Variants in HMCN1 observed in about 807,000 individuals in gnomAD.
HMCN1 encodes hemicentin-1.
Under a neutral mutation model 625.9 loss-of-function variants are expected in HMCN1, and 321 were observed. That is an observed-to-expected ratio of 0.51 (90% CI 0.47 to 0.56). The LOEUF is 0.56. Ranked by LOEUF, HMCN1 falls within the 20% of genes least tolerant of loss-of-function variation. The probability of loss-of-function intolerance (pLI) is 0.00; values close to 1 mark genes in which losing one functional copy is unlikely to be tolerated. For synonymous variants in HMCN1, 2,425 were observed against 2,417.6 expected, an observed-to-expected ratio of 1.00 and a Z score of -0.09; for missense variants, 6,588 against 6,887.3, an observed-to-expected ratio of 0.96 and a Z score of 1.54.
chr1:186,164,603 A>G (rs1157461215), intron 97 of HMCN1, among the ~76,000 whole-genome samples: 1 of 152,216 alleles, frequency 6.6e-6, no homozygotes, highest in Non-Finnish European at 1.5e-5. Flanking sequence ...GATGAAAAGG[A>G]AAACACTTGG....
intron 88 of HMCN1, 30 bp from the exon 89 acceptor site, chr1:186,137,772 C>T (rs752766842): frequency 1.2e-6 from 2 of 1,613,996 alleles, no homozygotes; most frequent in African/African-American, 1.3e-5. Context: ...TGAAATATAC[C>T]TGATGGTGTA....
chr1:185,875,977 TGTAATGGTGAG>T (rs1663900471), intron 4 of HMCN1, among the ~76,000 whole-genome samples: 1 of 152,122 alleles, frequency 6.6e-6, no homozygotes, highest in African/African-American at 2.4e-5. Context: ...GGATATGTTG[TGTAATGGTGAG>T]GTTTGGGTTT....
chr1:186,044,241 G>A (rs1302137910), intron 40 of HMCN1, among the ~76,000 whole-genome samples: 5 of 151,982 alleles, frequency 3.3e-5, no homozygotes, highest in East Asian at 1.9e-4. Flanking sequence ...TAACCTTATC[G>A]AGAGCCAGCT....
Position 186,099,815 on chromosome 1 carries a change from G to C in HMCN1, c.10574-3657G>C, listed in dbSNP as rs575664058. Among the ~76,000 whole-genome samples the C allele has an allele frequency of 1.1e-4, 17 of 152,258 alleles. No homozygotes were observed. In the South Asian group the frequency reaches 3.5e-3, roughly 32 times the overall value. On this transcript the variant is annotated intron_variant, in intron 68 of 106. Transcript: ENST00000271588. Reference sequence around the variant, plus strand: ...TCCCTGAAACTGAGTGTAAGAGGAAGAGTAGCAAGAGACAAGACAAGAACT... The same window carrying C: ...TCCCTGAAACTGAGTGTAAGAGGAACAGTAGCAAGAGACAAGACAAGAACT...
At chr1:185,944,085 A>G (rs1200069548) in intron 11 of HMCN1, among the ~76,000 whole-genome samples, 1 of 152,170 alleles carries the variant, frequency 6.6e-6, no homozygotes, top group Non-Finnish European at 1.5e-5. Flanking sequence ...AGTTATTTCC[A>G]TTATTCTGCA....
rs1571765042 is a variant in HMCN1 at position 186,041,858 on chromosome 1, G to A, written c.6304+722G>A. On this transcript the variant is annotated intron_variant, in intron 40 of 106. Transcript: ENST00000271588. ...TTTTATGACCTCTTGAAGAGTTTCT[G>A]TTTAATGCAGAATGCAAGCCTTCTC... Among the ~76,000 whole-genome samples, 8 of 152,168 alleles carry A rather than the reference G, an allele frequency of 5.3e-5. No homozygotes were observed. In the South Asian group the frequency reaches 1.7e-3, roughly 32 times the overall value.
At chr1:185,816,845 G>C (rs1019418455) in intron 1 of HMCN1, among the ~76,000 whole-genome samples, 12 of 152,224 alleles carry the variant, frequency 7.9e-5, no homozygotes, top group Non-Finnish European at 1.2e-4. Context: ...TATGATTACT[G>C]CATGGTTTGA....
chr1:186,138,015 A>G (rs1472109622), intron 89 of HMCN1, 43 bp downstream of exon 89: 8 of 1,602,114 alleles, frequency 5.0e-6, no homozygotes, highest in Non-Finnish European at 6.8e-6. Context: ...AAACTTTTCT[A>G]TCTTAACCCC....
chr1:185,883,677 A>G (rs1174066010), intron 4 of HMCN1, among the ~76,000 whole-genome samples: 2 of 151,948 alleles, frequency 1.3e-5, no homozygotes, highest in Admixed American at 1.3e-4. Context: ...TCTAGTGCTT[A>G]TTTATTTTGG....
At chr1:185,807,837 A>T (rs890667491) in intron 1 of HMCN1, among the ~76,000 whole-genome samples, 12 of 152,186 alleles carry the variant, frequency 7.9e-5, no homozygotes, top group African/African-American at 2.7e-4. Context: ...GTGTAACTTT[A>T]CTAATTTTCT....
At chr1:185,860,104 C>T (rs1015335229) in intron 2 of HMCN1, among the ~76,000 whole-genome samples, 1 of 152,064 alleles carries the variant, frequency 6.6e-6, no homozygotes, top group African/African-American at 2.4e-5. Flanking sequence ...GCTTATTTTT[C>T]TTTTCAGGAC....
intron 1 of HMCN1, among the ~76,000 whole-genome samples, chr1:185,747,904 A>G (rs1654526471): frequency 6.6e-6 from 1 of 152,150 alleles, no homozygotes; most frequent in African/African-American, 2.4e-5. Flanking sequence ...CTCAGGCTGT[A>G]AGGCATGCTG....
intron 14 of HMCN1, among the ~76,000 whole-genome samples, chr1:185,967,168 TATC>T (rs1650464812): frequency 6.6e-6 from 1 of 152,170 alleles, no homozygotes; most frequent in South Asian, 2.1e-4. Context: ...TTCAATAGTT[TATC>T]ATGAAAATAA....
At chr1:185,838,540 C>T (rs920994449) in intron 1 of HMCN1, among the ~76,000 whole-genome samples, 1 of 152,152 alleles carries the variant, frequency 6.6e-6, no homozygotes, top group Non-Finnish European at 1.5e-5. Flanking sequence ...GCCTGGGCAT[C>T]TAGGAGTGGG....
At chr1:186,052,244 G>A (rs1335302607) in intron 42 of HMCN1, among the ~76,000 whole-genome samples, 1 of 151,960 alleles carries the variant, frequency 6.6e-6, no homozygotes, top group Non-Finnish European at 1.5e-5. Flanking sequence ...CCACACTGGG[G>A]GTAAAGGAGG....
chr1:185,970,682 G>A (rs1438594133), intron 15 of HMCN1, among the ~76,000 whole-genome samples, 189 bp downstream of exon 15: 4 of 150,022 alleles, frequency 2.7e-5, no homozygotes, highest in African/African-American at 4.9e-5. Context: ...TTTTTGATAC[G>A]GAGTCTCACT....
Position 186,093,139 on chromosome 1 carries a change from G to A in HMCN1, c.9893G>A (p.Ser3298Asn), listed in dbSNP as rs1340822932. 1.2e-6 allele frequency: 2 copies of A among 1,613,162 alleles called. No individual in the cohort carries two copies. Residue 3298 changes from serine (S) to asparagine (N), a missense_variant, in exon 65 of 107, where the codon AGT becomes AAT. Ser to Asn is a conservative substitution (Grantham distance 46, BLOSUM62 1). Transcript: ENST00000271588. ...TGTTATGATCTTTTCCGTAGAGTGA[G>A]TGCAAATGGCAGCACATTAAACATT... is the stretch of plus-strand genomic sequence containing the variant. The part of the protein sequence containing the change: ...ASGETERIRV[S>N]ANGSTLNIYG...
intron 79 of HMCN1, 35 bp downstream of exon 79, chr1:186,119,917 A>G: frequency 6.2e-7 from 1 of 1,614,072 alleles, no homozygotes. Context: ...AGAAAATCAT[A>G]GCACATCAGT....
chr1:185,777,610 C>T (rs1656710306), intron 1 of HMCN1, among the ~76,000 whole-genome samples: 2 of 152,122 alleles, frequency 1.3e-5, no homozygotes, highest in Admixed American at 6.6e-5. Flanking sequence ...CGCCACCACA[C>T]CCAGCTAATT....
Sources: gnomAD v4.1 joint callset for allele counts (sites outside exome capture counted in the v4.1 genomes callset) on GRCh38, gnomAD v4.1.1 for gene constraint, MANE v1.5 for transcripts, NCBI Gene and HGNC (gene_info 2026-07-23, HGNC 2026-07-21) for gene names.